PAX2: variants seen among roughly 807,000 people sequenced by gnomAD.
The protein encoded by PAX2 is paired box protein Pax-2.
PAX2 carries 9 observed loss-of-function variants against 41.7 expected under a neutral mutation model. That is an observed-to-expected ratio of 0.22 (90% CI 0.13 to 0.38). The LOEUF is 0.38. PAX2 is among the 10% of genes least tolerant of loss of function. The probability of loss-of-function intolerance (pLI) is 1.00; values close to 1 mark genes in which losing one functional copy is unlikely to be tolerated. For synonymous variants in PAX2, 221 were observed against 212.7 expected (o/e 1.04, Z -0.34); for missense variants, 418 against 531.6 (o/e 0.79, Z 2.10).
At chr10:100,783,295 A>C (rs1028931638) in intron 5 of PAX2, among the ~76,000 whole-genome samples, 1 of 152,222 alleles carries the variant, frequency 6.6e-6, no homozygotes, top group African/African-American at 2.4e-5. Context: ...AGGAGCTTAC[A>C]TTCTAGTGGG....
At position 100,806,451 on chromosome 10, in the gene PAX2, C is replaced by G. The variant is rs773878788; in HGVS notation, c.638C>G (p.Pro213Arg). The G allele has an allele frequency of 1.4e-5, 22 of 1,614,124 alleles. No homozygotes were observed. The highest frequency in any genetic ancestry group is 1.9e-5 in the Non-Finnish European group (22 of 1,180,046). The change falls in exon 6 of 10, where the codon CCC becomes CGC. Residue 213 changes from proline to arginine, a missense_variant. Transcript: ENST00000355243. ...CCAGATGTGTCTGAGGGCTCAGTCCCCAATGGAGATTCCCAGAGTGGTGTG... is the reference window on the plus strand; with the variant it reads ...CCAGATGTGTCTGAGGGCTCAGTCCGCAATGGAGATTCCCAGAGTGGTGTG... ...RDEDVSEGSV[P>R]NGDSQSGVDS...
Position 100,750,864 on chromosome 10 carries a change from C to T in PAX2, c.383C>T (p.Thr128Ile). Residue 128 changes from threonine to isoleucine, a missense_variant, in exon 3 of 10, where the codon ACA becomes ATA. Thr to Ile is a moderately conservative substitution (Grantham distance 89). Transcript: ENST00000355243. The surrounding 1 kb of genome is among the most constrained non-coding windows in gnomAD (Gnocchi z 4.1). Reference sequence around the variant, plus strand: ...GCCGAGGGCATCTGTGACAATGACACAGTGCCCAGCGTCTCTTCCATCAAC... The same window carrying T: ...GCCGAGGGCATCTGTGACAATGACATAGTGCCCAGCGTCTCTTCCATCAAC... ...LLAEGICDND[T>I]VPSVSSINRI... 1.2e-6 allele frequency: 2 copies of T among 1,613,626 alleles called. No individual in the cohort carries two copies. Among genetic ancestry groups the T allele is most frequent in the Non-Finnish European group, 1.7e-6 (2 of 1,179,778 alleles).
chr10:100,781,942 G>C (rs1589849090), intron 5 of PAX2, among the ~76,000 whole-genome samples: 1 of 152,294 alleles, frequency 6.6e-6, no homozygotes, highest in African/African-American at 2.4e-5. Context: ...GGTGCAGCCA[G>C]GCTGTTAGGA....
chr10:100,824,513 TG>T lies in PAX2; in HGVS notation c.920-133del. Reference sequence around the variant, plus strand: ...TCAGATGGCGCATTCAGGTGCACAGTGGCACACATACCCCTGCACGTCTGCA... The same window carrying T: ...TCAGATGGCGCATTCAGGTGCACAGTGCACACATACCCCTGCACGTCTGCA... On this transcript the variant is annotated intron_variant, in intron 7 of 9. Transcript: ENST00000355243. The surrounding 1 kb of genome is among the most constrained non-coding windows in gnomAD (Gnocchi z 6.6). The T allele has an allele frequency of 1.3e-6, 1 of 747,866 alleles. No homozygotes were observed. 46.3% of individuals were successfully genotyped at this position (747,866 alleles called of 1,614,324 possible). A position where few individuals can be genotyped will look rare whatever the true frequency, so the allele number is the denominator to read the frequency against.
At chr10:100,820,271 G>A (rs75118122) in intron 7 of PAX2, among the ~76,000 whole-genome samples, 1,688 of 152,224 alleles carry the variant, frequency 0.011, 38 homozygotes, top group African/African-American at 0.039. Flanking sequence ...TTATTAAAAG[G>A]CAGTGTGGTA....
rs1489486372 is a variant in PAX2, at chr10:100,827,897, C to A, written c.*278C>A. On this transcript the variant is annotated 3_prime_UTR_variant, in exon 10 of 10. Transcript: ENST00000355243. This position sits in a 1 kb window ranked among gnomAD's most constrained non-coding sequence, Gnocchi z 8.5. ...CCCGCCTGCCTGGACTGCGCGGCGC[C>A]GTGAGGGGGATTCGGCCCAGCTCGT... The A allele has an allele frequency of 1.9e-5, 9 of 476,856 alleles. No homozygotes were observed. The highest frequency in any genetic ancestry group is 7.5e-5 in the East Asian group (2 of 26,522). 29.5% of individuals were successfully genotyped at this position (476,856 alleles called of 1,614,324 possible). A position where few individuals can be genotyped will look rare whatever the true frequency, so the allele number is the denominator to read the frequency against.
chr10:100,743,952 T>C (rs1435757695), upstream of PAX2, among the ~76,000 whole-genome samples: 4 of 152,182 alleles, frequency 2.6e-5, no homozygotes, highest in Non-Finnish European at 4.4e-5. Flanking sequence ...CTTATTGGGC[T>C]CTGGAGGATA....
At chr10:100,806,092 G>A (rs1460627615) in intron 5 of PAX2, among the ~76,000 whole-genome samples, 1 of 152,168 alleles carries the variant, frequency 6.6e-6, no homozygotes, top group African/African-American at 2.4e-5. Context: ...CCCTGGCTTG[G>A]GGGCAGGGGG....
intron 5 of PAX2, among the ~76,000 whole-genome samples, chr10:100,805,648 G>A (rs1304883275): frequency 6.6e-6 from 1 of 152,196 alleles, no homozygotes; most frequent in Non-Finnish European, 1.5e-5. Context: ...TGCTCCCTCT[G>A]GAGACTTGCA....
chr10:100,758,978 T>A (rs1334333236), intron 3 of PAX2, among the ~76,000 whole-genome samples: 1 of 151,960 alleles, frequency 6.6e-6, no homozygotes, highest in African/African-American at 2.4e-5. Context: ...AAAGTGAGGA[T>A]GAGGACTGGG....
chr10:100,752,727 G>A (rs577843502), intron 3 of PAX2, among the ~76,000 whole-genome samples: 23 of 152,260 alleles, frequency 1.5e-4, no homozygotes, highest in African/African-American at 4.8e-4. Flanking sequence ...GAGGAGTGGC[G>A]CAACAAGTCA....
chr10:100,827,570 C>G lies in PAX2; in HGVS notation c.1136C>G (p.Pro379Arg). The G allele has an allele frequency of 6.2e-7, 1 of 1,613,948 alleles. No homozygotes were observed. The highest frequency in any genetic ancestry group is 8.5e-7 in the Non-Finnish European group (1 of 1,179,812). ...LSSPYYYSAA[P>R]RGSAPAAAAA... The stretch of plus-strand genomic sequence containing the variant: ...TCCCCTTATTATTATAGTGCCGCCC[C>G]CCGGGGCTCCGCCCCTGCCGCTGCT... The change falls in exon 10 of 10, where the codon CCC becomes CGC. Residue 379 changes from proline (P) to arginine (R), a missense_variant. Pro to Arg is a moderately radical substitution (Grantham distance 103, BLOSUM62 -2). This residue lies in a region of PAX2 where 310 missense variants were observed against 325.2 expected (regional missense o/e 0.95). Transcript: ENST00000355243. This position sits in a 1 kb window ranked among gnomAD's most constrained non-coding sequence, Gnocchi z 8.5.
chr10:100,801,888 T>C (rs1457935286), intron 5 of PAX2, among the ~76,000 whole-genome samples: 1 of 152,240 alleles, frequency 6.6e-6, no homozygotes, highest in Non-Finnish European at 1.5e-5. Flanking sequence ...TTCATGGCCT[T>C]TGACAAGCTA....
At chr10:100,755,516 G>A (rs1845595862) in intron 3 of PAX2, among the ~76,000 whole-genome samples, 1 of 152,226 alleles carries the variant, frequency 6.6e-6, no homozygotes, top group Admixed American at 6.5e-5. Flanking sequence ...CATCAAATAT[G>A]AAGAGGCATA....
intron 3 of PAX2, among the ~76,000 whole-genome samples, chr10:100,778,654 G>C (rs74152672): frequency 0.032 from 4,812 of 152,254 alleles, 272 homozygotes; most frequent in African/African-American, 0.11. Flanking sequence ...CCCTGGGACT[G>C]GTCTTTGGCA....
At chr10:100,749,461 C>T (rs1187243474) in intron 1 of PAX2, 1 of 1,274,194 alleles carries the variant, frequency 7.8e-7, no homozygotes, top group Non-Finnish European at 9.9e-7. Flanking sequence ...CCTCTCCCCT[C>T]TTTTCTGTCA....
At chr10:100,761,402 A>T (rs531497066) in intron 3 of PAX2, among the ~76,000 whole-genome samples, 74 of 152,138 alleles carry the variant, frequency 4.9e-4, no homozygotes, top group Non-Finnish European at 4.0e-4. Context: ...GGCTCTGTGG[A>T]TCAGGTCACT....
intron 5 of PAX2, among the ~76,000 whole-genome samples, chr10:100,783,026 A>G (rs576171345): frequency 1.2e-4 from 18 of 152,322 alleles, no homozygotes; most frequent in East Asian, 7.7e-4. Context: ...AAGTATGCCA[A>G]CCTCGTGGCC....
intron 3 of PAX2, among the ~76,000 whole-genome samples, chr10:100,764,097 GTGTGTATGCATTCTGCTT>G (rs1845930278): frequency 6.7e-6 from 1 of 149,938 alleles, no homozygotes. Context: ...GTCTATTTCA[GTGTGTATGCATTCTGCTT>G]TGTGTATGCA....
Sources: allele counts gnomAD v4.1 joint callset (sites outside exome capture counted in the v4.1 genomes callset), GRCh38; gene constraint gnomAD v4.1.1; regional missense constraint gnomAD v4.1.1; non-coding constraint Gnocchi (gnomAD v3.1); transcripts MANE v1.5; gene names NCBI Gene and HGNC (gene_info 2026-07-23, HGNC 2026-07-21).